Variants in XKR6 observed in about 807,000 individuals in gnomAD.
XKR6 encodes the protein XK related 6, also known as XK-related protein 6.
Under a neutral mutation model 56.7 loss-of-function variants are expected in XKR6, and 22 were observed. That is an observed-to-expected ratio of 0.39 (90% CI 0.28 to 0.55). XKR6 has a LOEUF of 0.55. Among genes scored for constraint, XKR6 ranks in the 20% least tolerant of loss-of-function variants. The pLI, the probability that XKR6 is intolerant of heterozygous loss-of-function variation, is 0.66. For synonymous variants in XKR6, 524 were observed against 387.8 expected (o/e 1.35, Z -4.13); for missense variants, 852 against 889.0 (o/e 0.96, Z 0.53).
intron 1 of XKR6, among the ~76,000 whole-genome samples, chr8:11,005,842 C>CTTTTTTTT (rs56880407): frequency 8.2e-4 from 100 of 121,296 alleles, no homozygotes; most frequent in East Asian, 2.3e-3. Flanking sequence ...TTCTTTCTTT[C>CTTTTTTTT]TTTTTTTTTT....
At chr8:10,967,303 T>C (rs10096634) in intron 1 of XKR6, among the ~76,000 whole-genome samples, 14,033 of 152,238 alleles carry the variant, frequency 0.092, 1,255 homozygotes, top group African/African-American at 0.24. Flanking sequence ...AGATGACACC[T>C]GAGTTGCTTC....
In XKR6 at chr8:10,961,050, G is replaced by T. The variant is rs193123709; in HGVS notation, c.765-36220C>A. On this transcript the variant is annotated intron_variant, in intron 1 of 2. Transcript: ENST00000416569. Reference sequence around the variant, plus strand: ...GCAAAGATCGAGGGGCAGAGGGCACGGGTGCTGGGGTACAAAAGGTGAGTA... The same window carrying T: ...GCAAAGATCGAGGGGCAGAGGGCACTGGTGCTGGGGTACAAAAGGTGAGTA... Among the ~76,000 whole-genome samples, 4 of 152,138 alleles carry T rather than the reference G, an allele frequency of 2.6e-5. 1 individual carries two copies. The highest frequency in any genetic ancestry group is 9.7e-5 in the African/African-American group (4 of 41,420).
intron 1 of XKR6, among the ~76,000 whole-genome samples, chr8:10,989,093 G>T (rs1419359854): frequency 6.6e-6 from 1 of 152,248 alleles, no homozygotes; most frequent in Non-Finnish European, 1.5e-5. Context: ...GAAGGAGACA[G>T]TGGAGTGATG....
At chr8:10,910,416 T>C (rs1800317811) in intron 2 of XKR6, among the ~76,000 whole-genome samples, 1 of 152,154 alleles carries the variant, frequency 6.6e-6, no homozygotes, top group Non-Finnish European at 1.5e-5. Flanking sequence ...CGGAAGGCCA[T>C]GAGGACTGCA....
intron 2 of XKR6, among the ~76,000 whole-genome samples, chr8:10,923,416 G>T (rs77203678): frequency 0.052 from 7,852 of 152,250 alleles, 244 homozygotes; most frequent in African/African-American, 0.081. Context: ...CACCTGAGCC[G>T]AGTTTGTATA....
At chr8:11,178,851 T>C (rs1351826929) in intron 1 of XKR6, among the ~76,000 whole-genome samples, 1 of 151,218 alleles carries the variant, frequency 6.6e-6, no homozygotes, top group Non-Finnish European at 1.5e-5. Flanking sequence ...TTTCTTTTTT[T>C]TAGAGACAGG....
intron 1 of XKR6, among the ~76,000 whole-genome samples, chr8:11,121,991 C>T (rs1799481544): frequency 6.6e-6 from 1 of 152,182 alleles, no homozygotes; most frequent in Non-Finnish European, 1.5e-5. Context: ...ACAATAAGAA[C>T]ACTTGGATAC....
At chr8:10,932,411 G>C (rs547930447) in intron 1 of XKR6, among the ~76,000 whole-genome samples, 8 of 140,498 alleles carry the variant, frequency 5.7e-5, no homozygotes, top group Non-Finnish European at 1.1e-4. Context: ...TGTTTTAGCA[G>C]TTATTTTCTT....
chr8:10,912,675 G>C (rs1189069151), intron 2 of XKR6, among the ~76,000 whole-genome samples: 1 of 138,430 alleles, frequency 7.2e-6, no homozygotes, highest in Non-Finnish European at 1.6e-5. Context: ...TATATATATA[G>C]AGAGGGTGAG....
chr8:11,052,245 A>G (rs1799568385), intron 1 of XKR6, among the ~76,000 whole-genome samples: 1 of 152,178 alleles, frequency 6.6e-6, no homozygotes, highest in Non-Finnish European at 1.5e-5. Flanking sequence ...CCACCGAGGT[A>G]TCTGCTCAAG....
intron 1 of XKR6, among the ~76,000 whole-genome samples, chr8:10,993,989 G>C (rs1428724580): frequency 6.6e-6 from 1 of 152,148 alleles, no homozygotes; most frequent in Non-Finnish European, 1.5e-5. Context: ...CCTATCATGA[G>C]GCCTATATCC....
chr8:11,105,230 G>C (rs1410299518), intron 1 of XKR6: 1 of 152,144 alleles, frequency 6.6e-6, no homozygotes, highest in Non-Finnish European at 1.5e-5. Flanking sequence ...CAGTAAAAAA[G>C]AATGTATATC....
intron 1 of XKR6, among the ~76,000 whole-genome samples, chr8:11,141,160 G>A (rs1396143265): frequency 1.3e-5 from 2 of 152,212 alleles, no homozygotes; most frequent in East Asian, 3.8e-4. Context: ...GTATTCAGTA[G>A]TCATAACGGA....
At chr8:11,123,347 T>C (rs1326108400) in intron 1 of XKR6, 1 of 154,174 alleles carries the variant, frequency 6.5e-6, no homozygotes, top group African/African-American at 2.4e-5. Flanking sequence ...ATGGACCTTG[T>C]CATTATAAAC....
chr8:11,074,930 T>C (rs1800231564), intron 1 of XKR6, among the ~76,000 whole-genome samples: 1 of 152,208 alleles, frequency 6.6e-6, no homozygotes. Context: ...AAAGCTGCTC[T>C]AGGGCAGTGG....
chr8:11,067,620 C>T (rs1477345855), intron 1 of XKR6, among the ~76,000 whole-genome samples: 2 of 152,262 alleles, frequency 1.3e-5, no homozygotes, highest in Admixed American at 6.5e-5. Flanking sequence ...ACCCACAGTG[C>T]TGATTCTCTT....
At chr8:11,005,412 G>A (rs1460921067) in intron 1 of XKR6, among the ~76,000 whole-genome samples, 1 of 152,118 alleles carries the variant, frequency 6.6e-6, no homozygotes, top group African/African-American at 2.4e-5. Flanking sequence ...CTGGAGGGAA[G>A]TGGGATGGGG....
intron 1 of XKR6, among the ~76,000 whole-genome samples, chr8:11,132,573 G>A (rs76632005): frequency 2.6e-5 from 4 of 151,818 alleles, no homozygotes; most frequent in Admixed American, 2.6e-4. Context: ...TGTTGGCCAG[G>A]CTGGTTTTGA....
intron 1 of XKR6, among the ~76,000 whole-genome samples, chr8:11,000,473 G>A (rs574294615): frequency 2.6e-5 from 4 of 152,212 alleles, no homozygotes; most frequent in South Asian, 2.1e-4. Flanking sequence ...ATCACTTGAC[G>A]TCAAGAGCTC....
Sources: allele counts gnomAD v4.1 joint callset (sites outside exome capture counted in the v4.1 genomes callset), GRCh38; gene constraint gnomAD v4.1.1; transcripts MANE v1.5; gene names NCBI Gene and HGNC (gene_info 2026-07-23, HGNC 2026-07-21).